PCDHA1: variants seen among roughly 807,000 people sequenced by gnomAD.
The protein encoded by PCDHA1 is protocadherin alpha 1.
Under a neutral mutation model 61.3 loss-of-function variants are expected in PCDHA1, and 42 were observed. The observed-to-expected ratio is 0.69, with a 90% CI of 0.54 to 0.89. The LOEUF is 0.89. Among genes scored for constraint, PCDHA1 ranks in the 40% least tolerant of loss-of-function variants. The pLI is 0.00. For synonymous variants in PCDHA1, 610 were observed against 553.8 expected, an observed-to-expected ratio of 1.10 and a Z score of -1.43; for missense variants, 1,256 against 1,235.3, an observed-to-expected ratio of 1.02 and a Z score of -0.25.
At chr5:140,842,787 T>C (rs1554139371) in intron 1 of PCDHA1, 1 of 1,594,358 alleles carries the variant, frequency 6.3e-7, no homozygotes, top group Non-Finnish European at 8.6e-7. Context: ...GAGAACGCGC[T>C]GGTGTCCTAC....
At chr5:140,836,920 G>T in intron 1 of PCDHA1, 1 of 542,350 alleles carries the variant, frequency 1.8e-6, no homozygotes. Context: ...TTTTGTTTTG[G>T]GATGCGTAAT....
chr5:140,963,717 T>C (rs2095787814), intron 1 of PCDHA1, among the ~76,000 whole-genome samples: 1 of 152,256 alleles, frequency 6.6e-6, no homozygotes, highest in Admixed American at 6.5e-5. Context: ...ATGCTACATA[T>C]AGACTGCCAA....
chr5:140,875,261 G>A lies in PCDHA1; in HGVS notation c.2394+86577G>A. ...CTTACATAATCAGTCACATGATGTC[G>A]CTCTACACTCAGAAGGTGAAACAGG... On this transcript the variant is annotated intron_variant, in intron 1 of 3. Transcript: ENST00000504120. 4.4e-6 allele frequency: 5 copies of A among 1,130,464 alleles called. No individual in the cohort carries two copies. In the South Asian group the frequency reaches 7.4e-5, roughly 17 times the overall value. 70.0% of individuals were successfully genotyped at this position (1,130,464 alleles called of 1,614,324 possible).
At chr5:140,941,221 T>TTCTTTCTTTCTTTCTTTCTTTCTC (rs2092905955) in intron 1 of PCDHA1, among the ~76,000 whole-genome samples, 1 of 131,536 alleles carries the variant, frequency 7.6e-6, no homozygotes, top group Admixed American at 7.9e-5. Context: ...CTTCCTTTCT[T>TTCTTTCTTTCTTTCTTTCTTTCTC]TCTTTCTTTC....
At chr5:140,872,562 G>A (rs2053754616) in intron 1 of PCDHA1, among the ~76,000 whole-genome samples, 1 of 152,072 alleles carries the variant, frequency 6.6e-6, no homozygotes, top group Non-Finnish European at 1.5e-5. Context: ...AGGGGTTCAG[G>A]GCTGCAGTGA....
chr5:140,828,693 A>G (rs2150157949), intron 1 of PCDHA1: 9 of 1,614,130 alleles, frequency 5.6e-6, no homozygotes, highest in South Asian at 1.1e-5. Flanking sequence ...AAATCCTTGG[A>G]CAGAGAGGAA....
Position 140,787,921 on chromosome 5 carries a change from C to T in PCDHA1, c.1631C>T (p.Pro544Leu). ...QVSARDAGVP[P>L]LGSNVTLQVF... ...AGCGCGCGGGATGCGGGCGTGCCGCCTCTGGGCAGCAACGTGACGCTGCAG... is the reference window on the plus strand; with the variant it reads ...AGCGCGCGGGATGCGGGCGTGCCGCTTCTGGGCAGCAACGTGACGCTGCAG... Residue 544 changes from proline to leucine, a missense_variant, in exon 1 of 4, where the codon CCT becomes CTT. Transcript: ENST00000504120. 1 of 1,613,838 alleles carries T rather than the reference C, an allele frequency of 6.2e-7. No homozygotes were observed.
At chr5:140,872,001 AC>A (rs1237580171) in intron 1 of PCDHA1, among the ~76,000 whole-genome samples, 21 of 152,320 alleles carry the variant, frequency 1.4e-4, no homozygotes, top group African/African-American at 5.1e-4. Context: ...GTGGCTATTT[AC>A]AGGTGACCTG....
In PCDHA1 at chr5:140,809,088, C is replaced by T. The variant is rs1202399974; in HGVS notation, c.2394+20404C>T. ...CTGTACACTGGCGAGATCAGCACAA[C>T]GCGTGCCCTGGACGAAACGGACGCT... On this transcript the variant is annotated intron_variant, in intron 1 of 3. Coordinates refer to ENST00000504120, the MANE Select transcript of PCDHA1 (RefSeq NM_018900.4). The T allele has an allele frequency of 4.3e-6, 7 of 1,613,836 alleles. No homozygotes were observed. In the Admixed American group the frequency reaches 5.0e-5, roughly 12 times the overall value.
intron 1 of PCDHA1, among the ~76,000 whole-genome samples, chr5:140,832,335 G>T (rs1771931725): frequency 1.3e-5 from 2 of 152,204 alleles, no homozygotes; most frequent in African/African-American, 2.4e-5. Flanking sequence ...AGAGGACTGA[G>T]TTGTGGTTTG....
At chr5:140,905,855 A>G (rs1297642648) in intron 1 of PCDHA1, among the ~76,000 whole-genome samples, 1 of 152,128 alleles carries the variant, frequency 6.6e-6, no homozygotes, top group East Asian at 1.9e-4. Context: ...AGGAGTATTA[A>G]CTCACACAAT....
rs1554239929 is a variant in PCDHA1 at position 140,978,939 on chromosome 5, G to A, written c.2395-10G>A. 1 of 1,613,986 alleles carries A rather than the reference G, an allele frequency of 6.2e-7. No individual in the cohort carries two copies. The highest frequency in any genetic ancestry group is 1.3e-5 in the African/African-American group (1 of 74,908). On this transcript the variant is annotated splice_polypyrimidine_tract_variant and intron_variant, in intron 1 of 3. Transcript: ENST00000504120. ...CATTTTAACAGAAAACTCTCTTTGTGATTTTGCAGCCACGACAGCCCAACC... is the reference window on the plus strand; with the variant it reads ...CATTTTAACAGAAAACTCTCTTTGTAATTTTGCAGCCACGACAGCCCAACC...
chr5:140,877,676 G>T (rs781985023), intron 1 of PCDHA1: 1 of 1,613,606 alleles, frequency 6.2e-7, no homozygotes, highest in South Asian at 1.1e-5. Context: ...TGCGCGCCGG[G>T]CAAGCCCACG....
At chr5:140,945,393 T>G (rs2153669728) in intron 1 of PCDHA1, among the ~76,000 whole-genome samples, 1 of 152,208 alleles carries the variant, frequency 6.6e-6, no homozygotes, top group East Asian at 1.9e-4. Flanking sequence ...AATATACAAA[T>G]TCAATACAAT....
intron 1 of PCDHA1, chr5:140,967,282 G>A (rs1463734502): frequency 1.1e-5 from 17 of 1,612,960 alleles, no homozygotes; most frequent in Non-Finnish European, 1.4e-5. Context: ...TAGAGAGTGC[G>A]CAGGACCCCG....
chr5:140,822,866 T>A lies in PCDHA1; in HGVS notation c.2394+34182T>A. On this transcript the variant is annotated intron_variant, in intron 1 of 3. Transcript: ENST00000504120. ...CTGCCTGTCAAAGAGGACGCTCCACTCAGCACGGTCATTGCTCTGATCAGC... is the reference window on the plus strand; with the variant it reads ...CTGCCTGTCAAAGAGGACGCTCCACACAGCACGGTCATTGCTCTGATCAGC... 3 of 1,614,194 alleles carry A rather than the reference T, an allele frequency of 1.9e-6. No individual in the cohort carries two copies. The highest frequency in any genetic ancestry group is 2.5e-6 in the Non-Finnish European group (3 of 1,180,044).
chr5:140,900,354 C>T (rs376691648), intron 1 of PCDHA1, among the ~76,000 whole-genome samples: 68 of 151,986 alleles, frequency 4.5e-4, no homozygotes, highest in African/African-American at 1.2e-3. Context: ...CTTGGCTCAC[C>T]GCAACCTCTG....
At position 140,843,609 on chromosome 5, in the gene PCDHA1, G is replaced by C. The variant is rs145975691; in HGVS notation, c.2394+54925G>C. 647 of 1,595,902 alleles carry C rather than the reference G, an allele frequency of 4.1e-4. 69 individuals are homozygous for C. The highest frequency in any genetic ancestry group is 5.3e-4 in the Non-Finnish European group (622 of 1,165,530). On this transcript the variant is annotated intron_variant, in intron 1 of 3. Coordinates refer to ENST00000504120, the MANE Select transcript of PCDHA1 (RefSeq NM_018900.4). ...CCGCAGAGGGTGTGCTCTGGTGAGG[G>C]GCCACCGAAGACGGACCTCATGGCC...
intron 1 of PCDHA1, chr5:140,929,005 A>G: frequency 6.2e-7 from 1 of 1,614,062 alleles, no homozygotes; most frequent in Non-Finnish European, 8.5e-7. Context: ...CTTCGTGTGT[A>G]CCAAGTTGCA....
Sources: gnomAD v4.1 joint callset for allele counts (sites outside exome capture counted in the v4.1 genomes callset) on GRCh38, gnomAD v4.1.1 for gene constraint, MANE v1.5 for transcripts, NCBI Gene and HGNC (gene_info 2026-07-23, HGNC 2026-07-21) for gene names.